SYN3: variants seen among roughly 807,000 people sequenced by gnomAD.
SYN3 encodes synapsin III.
In SYN3, 35 loss-of-function variants were observed where a neutral mutation model predicts 65.8. That is an observed-to-expected ratio of 0.53 (90% CI 0.41 to 0.70). SYN3 has a LOEUF of 0.70. Ranked by LOEUF, SYN3 falls within the 30% of genes least tolerant of loss-of-function variation. The pLI is 0.00. For synonymous variants in SYN3, 270 were observed against 292.9 expected (o/e 0.92, Z 0.80); for missense variants, 680 against 749.0 (o/e 0.91, Z 1.08).
At chr22:32,617,077 A>G (rs887361359) in intron 6 of SYN3, among the ~76,000 whole-genome samples, 2 of 152,224 alleles carry the variant, frequency 1.3e-5, no homozygotes, top group Admixed American at 6.5e-5. Context: ...AGATTCCTCA[A>G]TGGTCTCTCC....
chr22:32,956,654 G>T (rs1341317016), intron 3 of SYN3, among the ~76,000 whole-genome samples: 1 of 152,074 alleles, frequency 6.6e-6, no homozygotes, highest in Admixed American at 6.6e-5. Context: ...TTTGGACATA[G>T]CACATTTTGT....
intron 4 of SYN3, among the ~76,000 whole-genome samples, chr22:32,912,657 G>A (rs1283414661): frequency 6.6e-6 from 1 of 152,050 alleles, no homozygotes; most frequent in Admixed American, 6.6e-5. Flanking sequence ...GGAGATTGAG[G>A]CTGCAGTGAG....
At chr22:32,526,138 G>A (rs130452) in intron 12 of SYN3, among the ~76,000 whole-genome samples, 24,709 of 152,086 alleles carry the variant, frequency 0.16, 2,074 homozygotes, top group Admixed American at 0.19. Flanking sequence ...GTACTTAAGA[G>A]ACTACAGTGT....
chr22:32,514,910 GGAGGCT>G (rs1172365685), intron 13 of SYN3, among the ~76,000 whole-genome samples: 1 of 152,186 alleles, frequency 6.6e-6, no homozygotes. Flanking sequence ...CAGCTACGCG[GGAGGCT>G]GAGGCAGGAG....
chr22:32,895,121 T>C (rs2049554925), intron 4 of SYN3, among the ~76,000 whole-genome samples: 1 of 152,246 alleles, frequency 6.6e-6, no homozygotes, highest in Non-Finnish European at 1.5e-5. Context: ...TGTAATGATC[T>C]GAAGGATTAG....
At chr22:32,907,517 C>G (rs965986430) in intron 4 of SYN3, among the ~76,000 whole-genome samples, 1 of 152,124 alleles carries the variant, frequency 6.6e-6, no homozygotes, top group Non-Finnish European at 1.5e-5. Context: ...AAGCTCTGGC[C>G]AGGCTGGGAG....
At chr22:32,726,986 T>C (rs1422156655) in intron 6 of SYN3, among the ~76,000 whole-genome samples, 19 of 143,756 alleles carry the variant, frequency 1.3e-4, no homozygotes, top group Admixed American at 7.6e-4. Context: ...TTTTTTTTTT[T>C]CCCCAACTGT....
At chr22:32,972,542 A>G (rs922305929) in intron 3 of SYN3, among the ~76,000 whole-genome samples, 2 of 152,204 alleles carry the variant, frequency 1.3e-5, no homozygotes, top group African/African-American at 2.4e-5. Context: ...CTTTTGCCAC[A>G]TAATTTCAGC....
At chr22:32,935,448 ATTT>A (rs137556) in intron 3 of SYN3, among the ~76,000 whole-genome samples, 14 of 124,036 alleles carry the variant, frequency 1.1e-4, no homozygotes, top group Admixed American at 2.5e-4. Flanking sequence ...TTGGTATGGT[ATTT>A]TTTTTTTTTT....
chr22:32,961,248 C>A (rs934145972), intron 3 of SYN3, among the ~76,000 whole-genome samples: 1 of 152,112 alleles, frequency 6.6e-6, no homozygotes, highest in Non-Finnish European at 1.5e-5. Context: ...GGGCAAAAAT[C>A]ACCCCTGGTT....
At chr22:32,939,383 T>C (rs1204731837) in intron 3 of SYN3, among the ~76,000 whole-genome samples, 2 of 151,962 alleles carry the variant, frequency 1.3e-5, no homozygotes, top group South Asian at 2.1e-4. Flanking sequence ...GAAATATAGA[T>C]AAAATAAATA....
chr22:32,771,757 G>A (rs2045778093), intron 6 of SYN3, among the ~76,000 whole-genome samples: 1 of 152,126 alleles, frequency 6.6e-6, no homozygotes, highest in Admixed American at 6.5e-5. Context: ...CACTGCACAT[G>A]GAGATTACCC....
chr22:32,784,551 G>A (rs559039308), intron 6 of SYN3, among the ~76,000 whole-genome samples: 76 of 152,310 alleles, frequency 5.0e-4, no homozygotes, highest in African/African-American at 1.8e-3. Flanking sequence ...TGACATCTTA[G>A]TTTCAGCCTT....
chr22:32,798,349 C>G (rs577916189), intron 6 of SYN3, among the ~76,000 whole-genome samples: 2 of 152,182 alleles, frequency 1.3e-5, no homozygotes, highest in South Asian at 2.1e-4. Context: ...ATGGGCCACA[C>G]CTTACAGCTT....
At chr22:32,645,278 C>G (rs933160398) in intron 6 of SYN3, among the ~76,000 whole-genome samples, 6 of 151,916 alleles carry the variant, frequency 3.9e-5, no homozygotes, top group Non-Finnish European at 7.4e-5. Context: ...ATGGAGAAAC[C>G]CCGTCTCTAC....
intron 6 of SYN3, among the ~76,000 whole-genome samples, chr22:32,611,547 C>T (rs2059446140): frequency 6.6e-6 from 1 of 152,056 alleles, no homozygotes; most frequent in South Asian, 2.1e-4. Flanking sequence ...CCGCCTCGGC[C>T]TCCCAAAGTG....
chr22:32,574,375 T>A (rs535739019), intron 7 of SYN3, among the ~76,000 whole-genome samples: 2 of 152,078 alleles, frequency 1.3e-5, no homozygotes, highest in South Asian at 4.2e-4. Flanking sequence ...GCTACTTGGG[T>A]GGCTGAGGTG....
intron 6 of SYN3, among the ~76,000 whole-genome samples, chr22:32,809,059 T>C (rs2046841478): frequency 6.6e-6 from 1 of 152,192 alleles, no homozygotes; most frequent in South Asian, 2.1e-4. Flanking sequence ...ATCACAAACA[T>C]AATACTGTAA....
intron 7 of SYN3, among the ~76,000 whole-genome samples, chr22:32,549,872 C>T (rs2058386130): frequency 7.3e-6 from 1 of 136,544 alleles, no homozygotes; most frequent in African/African-American, 2.9e-5. Context: ...CTGGGCAGCA[C>T]AGCGAGACTC....
Sources: gnomAD v4.1 joint callset for allele counts (sites outside exome capture counted in the v4.1 genomes callset) on GRCh38, gnomAD v4.1.1 for gene constraint, MANE v1.5 for transcripts, NCBI Gene and HGNC (gene_info 2026-07-23, HGNC 2026-07-21) for gene names.